BIN1: variants seen among roughly 807,000 people sequenced by gnomAD.
The protein encoded by BIN1 is bridging integrator 1, also known as myc box-dependent-interacting protein 1.
A neutral mutation model predicts 82.0 loss-of-function variants in BIN1; 53 were observed. The observed-to-expected ratio is 0.65, with a 90% CI of 0.52 to 0.81. The LOEUF is 0.81. Ranked by LOEUF, BIN1 falls within the 40% of genes least tolerant of loss-of-function variation. The probability of loss-of-function intolerance (pLI) is 0.00; values close to 1 mark genes in which losing one functional copy is unlikely to be tolerated. For synonymous variants in BIN1, 302 were observed against 328.0 expected (o/e 0.92, Z 0.86); for missense variants, 642 against 784.4 (o/e 0.82, Z 2.17).
chr2:127,048,070 T>C lies in BIN1; in HGVS notation c.*456A>G. 1.0e-5 allele frequency: 2 copies of C among 195,752 alleles called. No homozygotes were observed. The highest frequency in any genetic ancestry group is 2.6e-4 in the East Asian group (2 of 7,646). 12.1% of individuals were successfully genotyped at this position (195,752 alleles called of 1,614,324 possible). A position where few individuals can be genotyped will look rare whatever the true frequency, so the allele number is the denominator to read the frequency against. ...CATTTTTTTTTTGTTTCATTTTGTT[T>C]TGAACACTAAGATTTATTTTCAAAC... On this transcript the variant is annotated 3_prime_UTR_variant, in exon 19 of 19. Transcript: ENST00000316724.
intron 8 of BIN1, 107 bp from the exon 9 acceptor site, chr2:127,063,753 CAG>C: frequency 7.0e-7 from 1 of 1,423,578 alleles, no homozygotes; most frequent in Non-Finnish European, 9.8e-7. Flanking sequence ...AGGCACAAAC[CAG>C]AGAGGGCCCA....
In BIN1 at chr2:127,068,800, C is replaced by G. The variant is rs1685487073; in HGVS notation, c.519+124G>C. The stretch of plus-strand genomic sequence containing the variant: ...TCACTCACCGGCCTGGGCCCTGTAT[C>G]GTCCCCACCCCCAGTTCAGCCACCT... On this transcript the variant is annotated intron_variant, in intron 6 of 18. Transcript: ENST00000316724. The surrounding 1 kb of genome is among the most constrained non-coding windows in gnomAD (Gnocchi z 4.9). 1 of 923,796 alleles carries G rather than the reference C, an allele frequency of 1.1e-6. No individual in the cohort carries two copies. The highest frequency in any genetic ancestry group is 1.4e-5 in the South Asian group (1 of 72,292). The allele number at this position is 923,796 out of a possible 1,614,324, so 57.2% of individuals were successfully genotyped here.
intron 12 of BIN1, 91 bp from the exon 13 acceptor site, chr2:127,054,103 G>A (rs142568045): frequency 2.3e-5 from 24 of 1,035,764 alleles, no homozygotes; most frequent in Admixed American, 1.0e-4. Flanking sequence ...ACAGGCACAC[G>A]CGTGGACACA....
intron 1 of BIN1, among the ~76,000 whole-genome samples, chr2:127,095,978 G>A (rs554432016): frequency 1.3e-5 from 2 of 152,240 alleles, no homozygotes; most frequent in South Asian, 2.1e-4. Context: ...CCCACTTCCC[G>A]GTCCCCAGGT....
rs1289446683 is a variant in BIN1 at position 127,048,399 on chromosome 2, G to T, written c.*127C>A. ...CTTTGGGAGAACGCCCCTCTGCCTG[G>T]GGGTCTCCTCTTGATTTCCCTTTGC... On this transcript the variant is annotated 3_prime_UTR_variant, in exon 19 of 19. Transcript: ENST00000316724. 15 of 893,970 alleles carry T rather than the reference G, an allele frequency of 1.7e-5. No individual in the cohort carries two copies. In the African/African-American group the frequency reaches 2.0e-4, roughly 12 times the overall value. 55.4% of individuals were successfully genotyped at this position (893,970 alleles called of 1,614,324 possible). A position where few individuals can be genotyped will look rare whatever the true frequency, so the allele number is the denominator to read the frequency against.
At chr2:127,072,893 C>T (rs527633357) in intron 2 of BIN1, among the ~76,000 whole-genome samples, 12 of 152,290 alleles carry the variant, frequency 7.9e-5, no homozygotes, top group South Asian at 2.1e-4. Flanking sequence ...CTTTGTTGGT[C>T]GAGACGAGGA....
chr2:127,051,925 C>G (rs1462206639), intron 15 of BIN1, among the ~76,000 whole-genome samples: 10 of 152,250 alleles, frequency 6.6e-5, no homozygotes, highest in Non-Finnish European at 1.5e-4. Context: ...GAGGAAGTGT[C>G]TGGCTGTAAA....
At position 127,059,236 on chromosome 2, in the gene BIN1, G is replaced by T; in HGVS notation, c.858-81C>A. 6.8e-7 allele frequency: 1 copy of T among 1,476,408 alleles called. No homozygotes were observed. The allele number at this position is 1,476,408 out of a possible 1,614,324, so 91.5% of individuals were successfully genotyped here. Reference sequence around the variant, plus strand: ...CGGAGGGGCAAATGTATTGACGTCTGTGTGAAGAGGTGTGTGCATATGGAG... The same window carrying T: ...CGGAGGGGCAAATGTATTGACGTCTTTGTGAAGAGGTGTGTGCATATGGAG... On this transcript the variant is annotated intron_variant, in intron 10 of 18. Coordinates refer to ENST00000316724, the MANE Select transcript of BIN1 (RefSeq NM_139343.3). This position sits in a 1 kb window ranked among gnomAD's most constrained non-coding sequence, Gnocchi z 6.7.
intron 1 of BIN1, among the ~76,000 whole-genome samples, chr2:127,091,949 C>T (rs894090538): frequency 6.0e-5 from 9 of 149,476 alleles, no homozygotes; most frequent in African/African-American, 1.9e-4. Context: ...GAACGGAGAG[C>T]CAGAGGGGAC....
intron 14 of BIN1, 65 bp downstream of exon 14, chr2:127,053,357 G>T: frequency 6.3e-7 from 1 of 1,598,572 alleles, no homozygotes. Context: ...GGAGCATGTG[G>T]GCCTGGACAC....
At chr2:127,058,540 T>C (rs1262674257) in intron 11 of BIN1, among the ~76,000 whole-genome samples, 2 of 135,506 alleles carry the variant, frequency 1.5e-5, no homozygotes, top group Non-Finnish European at 3.0e-5. Context: ...CCCCACACCC[T>C]CCTCTGAGCC....
At chr2:127,069,493 A>T (rs1228391609) in intron 5 of BIN1, among the ~76,000 whole-genome samples, 1 of 152,156 alleles carries the variant, frequency 6.6e-6, no homozygotes, top group Admixed American at 6.5e-5. Flanking sequence ...CTCGGTGGAT[A>T]CCAGAGACAC....
At chr2:127,069,100 C>T in intron 5 of BIN1, 69 bp from the exon 6 acceptor site, 6 of 1,462,248 alleles carry the variant, frequency 4.1e-6, no homozygotes, top group Non-Finnish European at 5.7e-6. Flanking sequence ...TCCAGTGGAT[C>T]CTGGAGGGAC....
chr2:127,060,614 A>T, intron 10 of BIN1: 1 of 1,614,230 alleles, frequency 6.2e-7, no homozygotes, highest in Non-Finnish European at 8.5e-7. Flanking sequence ...CTTTCTGCGC[A>T]GCCGCGAAAA....
At chr2:127,054,074 C>T (rs974184681) in intron 12 of BIN1, 62 bp from the exon 13 acceptor site, 1 of 1,418,908 alleles carries the variant, frequency 7.0e-7, no homozygotes, top group Admixed American at 2.0e-5. Flanking sequence ...AGCCCTCACC[C>T]CAGGCAGACA....
chr2:127,068,104 G>C lies in BIN1; in HGVS notation c.612+59C>G, dbSNP rs1685374412. 1.3e-6 allele frequency: 2 copies of C among 1,540,634 alleles called. No individual in the cohort carries two copies. Among genetic ancestry groups the C allele is most frequent in the Admixed American group, 1.8e-5 (1 of 55,238 alleles). On this transcript the variant is annotated intron_variant, in intron 7 of 18. Coordinates refer to ENST00000316724, the MANE Select transcript of BIN1 (RefSeq NM_139343.3). This position sits in a 1 kb window ranked among gnomAD's most constrained non-coding sequence, Gnocchi z 4.9. ...AGCCCTGCATTCCACCGCAGGGCGA[G>C]AGGACAGGACGACAGACCGGAAGGC...
intron 1 of BIN1, among the ~76,000 whole-genome samples, chr2:127,095,322 T>C (rs1053386402): frequency 2.6e-5 from 4 of 152,176 alleles, no homozygotes; most frequent in Non-Finnish European, 4.4e-5. Flanking sequence ...TTCATTCAAA[T>C]CTGATCCTCC....
At chr2:127,100,326 A>G (rs1038136637) in intron 1 of BIN1, among the ~76,000 whole-genome samples, 7 of 152,052 alleles carry the variant, frequency 4.6e-5, no homozygotes, top group African/African-American at 7.2e-5. Context: ...AGGGGCCCCA[A>G]GTCTTGGGAG....
In BIN1 at chr2:127,070,281, C is replaced by T. The variant is rs1208145402; in HGVS notation, c.316-191G>A. On this transcript the variant is annotated intron_variant, in intron 4 of 18. Transcript: ENST00000316724. ...TTGGGGTGACTGTGAGGATCAGATA[C>T]GCTGAGGACTGGGGTCAGCCAGGGA... is the stretch of plus-strand genomic sequence containing the variant. 2.6e-5 allele frequency among the ~76,000 whole-genome samples: 4 copies of T among 152,276 alleles called. No homozygotes were observed. The East Asian group carries it at 5.8e-4, about 22-fold the overall frequency.
Sources: gnomAD v4.1 joint callset for allele counts (sites outside exome capture counted in the v4.1 genomes callset) on GRCh38, gnomAD v4.1.1 for gene constraint, Gnocchi (gnomAD v3.1) non-coding constraint, MANE v1.5 for transcripts, NCBI Gene and HGNC (gene_info 2026-07-23, HGNC 2026-07-21) for gene names.